Variants in CD38 observed in about 807,000 individuals in gnomAD.
The protein encoded by CD38 is CD38 molecule.
In CD38, 31 loss-of-function variants were observed where a neutral mutation model predicts 36.3. That is an observed-to-expected ratio of 0.85 (90% CI 0.64 to 1.15). The LOEUF (loss-of-function observed/expected upper bound fraction) is 1.15, where lower values mean the gene tolerates loss of function less well. CD38 is among the 50% of genes most tolerant of loss of function. CD38 has a pLI of 0.00. For missense variants in CD38, 380 were observed against 371.9 expected, an observed-to-expected ratio of 1.02 and a Z score of -0.18; for synonymous variants, 131 against 135.2, an observed-to-expected ratio of 0.97 and a Z score of 0.22.
intron 1 of CD38, among the ~76,000 whole-genome samples, chr4:15,798,731 C>T (rs1029071802): frequency 5.9e-5 from 9 of 152,320 alleles, no homozygotes; most frequent in East Asian, 1.9e-4. Context: ...TATTCATCCT[C>T]GTCATCATTC....
At chr4:15,834,825 T>A (rs1724032399) in intron 4 of CD38, among the ~76,000 whole-genome samples, 1 of 152,184 alleles carries the variant, frequency 6.6e-6, no homozygotes, top group African/African-American at 2.4e-5. Flanking sequence ...TGTGGGAGTT[T>A]ATCCCAAGCT....
At chr4:15,796,383 T>C (rs3796874) in intron 1 of CD38, among the ~76,000 whole-genome samples, 66,873 of 151,846 alleles carry the variant, frequency 0.44, 17,106 homozygotes, top group African/African-American at 0.72. Context: ...ACTCCTTTTC[T>C]TCCTTCAATA....
intron 4 of CD38, among the ~76,000 whole-genome samples, chr4:15,835,890 T>C (rs1365239668): frequency 6.6e-6 from 1 of 152,218 alleles, no homozygotes; most frequent in African/African-American, 2.4e-5. Context: ...TACTCAAAGC[T>C]ACCTGTGTAT....
At position 15,848,665 on chromosome 4, in the gene CD38, C is replaced by G. The variant is rs527770513; in HGVS notation, c.*63C>G. The stretch of plus-strand genomic sequence containing the variant: ...GTGGTTTATGTCATCATACATGACT[C>G]AGCATACCTGCTGGTGCAGAGCTGA... On this transcript the variant is annotated 3_prime_UTR_variant, in exon 8 of 8. Coordinates refer to ENST00000226279, the MANE Select transcript of CD38 (RefSeq NM_001775.4). 10 of 1,337,444 alleles carry G rather than the reference C, an allele frequency of 7.5e-6. No individual in the cohort carries two copies. In the East Asian group the frequency reaches 2.3e-4, roughly 31 times the overall value. The allele number at this position is 1,337,444 out of a possible 1,614,324, so 82.8% of individuals were successfully genotyped here. A position where few individuals can be genotyped will look rare whatever the true frequency, so the allele number is the denominator to read the frequency against.
intron 4 of CD38, among the ~76,000 whole-genome samples, chr4:15,836,445 A>G (rs1724071857): frequency 6.6e-6 from 1 of 152,250 alleles, no homozygotes; most frequent in Non-Finnish European, 1.5e-5. Flanking sequence ...AGGTATCAAC[A>G]TAAGAAACAC....
chr4:15,812,312 C>T (rs1723491449), intron 1 of CD38, among the ~76,000 whole-genome samples: 1 of 152,164 alleles, frequency 6.6e-6, no homozygotes, highest in African/African-American at 2.4e-5. Context: ...TTAAGTTAAA[C>T]TGTCACTATC....
intron 3 of CD38, among the ~76,000 whole-genome samples, chr4:15,826,805 C>T (rs1723862121): frequency 6.6e-6 from 1 of 152,150 alleles, no homozygotes; most frequent in African/African-American, 2.4e-5. Flanking sequence ...TATATCCCCA[C>T]TAACACCAGG....
At chr4:15,824,425 T>C (rs1385223045) in intron 2 of CD38, among the ~76,000 whole-genome samples, 4 of 152,140 alleles carry the variant, frequency 2.6e-5, no homozygotes, top group African/African-American at 9.7e-5. Context: ...AAATCTATTG[T>C]ATTTTTTTTT....
intron 2 of CD38, 91 bp downstream of exon 2, chr4:15,816,731 G>A: frequency 7.2e-7 from 1 of 1,385,866 alleles, no homozygotes; most frequent in Non-Finnish European, 1.0e-6. Flanking sequence ...AATGAAGGAA[G>A]AGGAAAAATC....
rs1057112555 is a variant in CD38, at chr4:15,849,877, T to G, written c.*1275T>G. On this transcript the variant is annotated 3_prime_UTR_variant, in exon 8 of 8. Coordinates refer to ENST00000226279, the MANE Select transcript of CD38 (RefSeq NM_001775.4). Reference sequence around the variant, plus strand: ...AGATTTTAGGACGATATATTTTCCCTTGAGTTCTGCTTTAGCTGCAGCTCT... The same window carrying G: ...AGATTTTAGGACGATATATTTTCCCGTGAGTTCTGCTTTAGCTGCAGCTCT... 2.6e-5 allele frequency: 4 copies of G among 152,240 alleles called. No individual in the cohort carries two copies. The highest frequency in any genetic ancestry group is 9.6e-5 in the African/African-American group (4 of 41,464). The allele number at this position is 152,240 out of a possible 1,614,324, so 9.4% of individuals were successfully genotyped here.
Position 15,778,427 on chromosome 4 carries a change from G to A in CD38, c.13G>A (p.Glu5Lys), listed in dbSNP as rs1722602762. 1.9e-6 allele frequency: 3 copies of A among 1,613,626 alleles called. No homozygotes were observed. Among genetic ancestry groups the A allele is most frequent in the Non-Finnish European group, 2.5e-6 (3 of 1,179,900 alleles). Residue 5 changes from glutamate to lysine, a missense_variant, in exon 1 of 8, where the codon GAG (glutamate) becomes AAG (lysine). By Grantham distance (56) the Glu-to-Lys change is moderately conservative. Transcript: ENST00000226279. The surrounding 1 kb of genome is among the most constrained non-coding windows in gnomAD (Gnocchi z 4.9). MANC[E>K]FSPVSGDKPC... ...CGCCTGGAGCCCTATGGCCAACTGC[G>A]AGTTCAGCCCGGTGTCCGGGGACAA...
chr4:15,801,247 C>G (rs1723216795), intron 1 of CD38, among the ~76,000 whole-genome samples: 2 of 151,640 alleles, frequency 1.3e-5, no homozygotes, highest in African/African-American at 4.8e-5. Flanking sequence ...TCCGAATAGA[C>G]CAATAACAAT....
At position 15,834,237 on chromosome 4, in the gene CD38, C is replaced by T. The variant is rs1407714089; in HGVS notation, c.520C>T (p.Pro174Ser). 1.9e-6 allele frequency: 3 copies of T among 1,610,380 alleles called. No homozygotes were observed. Among genetic ancestry groups the T allele is most frequent in the South Asian group, 2.2e-5 (2 of 91,010 alleles). ...TTTAGAAATAAACTATCAATCTTGC[C>T]CAGACTGGAGAAAGGACTGCAGCAA... Reference protein sequence around the residue: ...NTSKINYQSCPDWRKDCSNNP... With the variant: ...NTSKINYQSCSDWRKDCSNNP... The change falls in exon 4 of 8, where the codon CCA becomes TCA. Residue 174 changes from proline to serine, a missense_variant. By Grantham distance (74) the Pro-to-Ser change is moderately conservative. Transcript: ENST00000226279.
chr4:15,782,077 C>T (rs780575746), intron 1 of CD38, among the ~76,000 whole-genome samples: 5 of 152,204 alleles, frequency 3.3e-5, no homozygotes, highest in Non-Finnish European at 2.9e-5. Context: ...CCCTTCCTCT[C>T]TGTGTTGCCA....
chr4:15,786,069 G>T (rs1472928877), intron 1 of CD38, among the ~76,000 whole-genome samples: 1 of 152,180 alleles, frequency 6.6e-6, no homozygotes, highest in Admixed American at 6.5e-5. Flanking sequence ...GTGCTCAGGA[G>T]TTAAGCTGCA....
rs778359400 is a variant in CD38 at position 15,834,338 on chromosome 4, G to A, written c.585+36G>A. The A allele has an allele frequency of 1.6e-5, 21 of 1,305,330 alleles. No individual in the cohort carries two copies. The Admixed American group carries it at 3.4e-4, about 21-fold the overall frequency. The allele number at this position is 1,305,330 out of a possible 1,614,324, so 80.9% of individuals were successfully genotyped here. On this transcript the variant is annotated intron_variant, in intron 4 of 7. Transcript: ENST00000226279. ...AGTAGTGAAATTCTAGAGCTTTGGAGACCACAGAACTTAAGACGTTACTCA... is the reference window on the plus strand; with the variant it reads ...AGTAGTGAAATTCTAGAGCTTTGGAAACCACAGAACTTAAGACGTTACTCA...
intron 3 of CD38, among the ~76,000 whole-genome samples, chr4:15,832,039 C>T (rs1019253365): frequency 2.0e-5 from 3 of 152,106 alleles, no homozygotes; most frequent in African/African-American, 7.2e-5. Flanking sequence ...TTCAAGCTCA[C>T]AAATTCTTTC....
intron 3 of CD38, among the ~76,000 whole-genome samples, chr4:15,832,358 A>C (rs968813485): frequency 6.6e-6 from 1 of 151,946 alleles, no homozygotes; most frequent in Non-Finnish European, 1.5e-5. Context: ...CATTGTATTT[A>C]TTGTAGTCTT....
intron 3 of CD38, among the ~76,000 whole-genome samples, chr4:15,830,367 C>G (rs572277164): frequency 2.3e-4 from 35 of 152,168 alleles, no homozygotes; most frequent in African/African-American, 8.4e-4. Flanking sequence ...TTTTCATATG[C>G]CTGTTTGCCA....
Sources: allele counts gnomAD v4.1 joint callset (sites outside exome capture counted in the v4.1 genomes callset), GRCh38; gene constraint gnomAD v4.1.1; non-coding constraint Gnocchi (gnomAD v3.1); transcripts MANE v1.5; gene names NCBI Gene and HGNC (gene_info 2026-07-23, HGNC 2026-07-21).